GRID1: variants seen among roughly 807,000 people sequenced by gnomAD.
GRID1 encodes glutamate receptor ionotropic, delta-1.
GRID1 carries 28 observed loss-of-function variants against 98.0 expected under a neutral mutation model. The observed-to-expected ratio is 0.29, with a 90% CI of 0.21 to 0.39. GRID1 has a LOEUF of 0.39. GRID1 is among the 10% of genes least tolerant of loss of function. The pLI, the probability that GRID1 is intolerant of heterozygous loss-of-function variation, is 1.00. For missense variants in GRID1, 1,111 were observed against 1,340.5 expected, an observed-to-expected ratio of 0.83 and a Z score of 2.67; for synonymous variants, 553 against 538.5, an observed-to-expected ratio of 1.03 and a Z score of -0.37.
At chr10:85,679,185 A>T (rs1259787725) in intron 12 of GRID1, among the ~76,000 whole-genome samples, 1 of 152,136 alleles carries the variant, frequency 6.6e-6, no homozygotes, top group Non-Finnish European at 1.5e-5. Flanking sequence ...CCCCAGACAG[A>T]CACATCCTTG....
intron 12 of GRID1, among the ~76,000 whole-genome samples, chr10:85,706,834 C>A (rs1166166014): frequency 6.6e-6 from 1 of 152,128 alleles, no homozygotes; most frequent in Non-Finnish European, 1.5e-5. Context: ...TGATCTTTGA[C>A]AAACCTGACA....
intron 5 of GRID1, among the ~76,000 whole-genome samples, chr10:85,886,158 C>T (rs1443735899): frequency 6.6e-6 from 1 of 152,196 alleles, no homozygotes; most frequent in Non-Finnish European, 1.5e-5. Context: ...TAAGGGGGTT[C>T]TCCATGCTGG....
At chr10:85,757,698 G>A (rs1189460657) in intron 8 of GRID1, among the ~76,000 whole-genome samples, 1 of 152,204 alleles carries the variant, frequency 6.6e-6, no homozygotes, top group Non-Finnish European at 1.5e-5. Flanking sequence ...TGGTTGAGCT[G>A]AACCAGGTCA....
intron 4 of GRID1, among the ~76,000 whole-genome samples, chr10:86,123,006 T>C (rs985745609): frequency 1.3e-5 from 2 of 152,232 alleles, no homozygotes; most frequent in Admixed American, 6.5e-5. Flanking sequence ...CCAAGCATCA[T>C]TGCAAAGGCT....
intron 12 of GRID1, among the ~76,000 whole-genome samples, chr10:85,668,772 T>C (rs1162423284): frequency 2.0e-5 from 3 of 152,220 alleles, no homozygotes; most frequent in South Asian, 2.1e-4. Context: ...AGTTCAGCAA[T>C]GGCAGTAAGA....
chr10:85,827,092 G>A (rs1287790936), intron 8 of GRID1, among the ~76,000 whole-genome samples: 3 of 152,180 alleles, frequency 2.0e-5, no homozygotes, highest in Non-Finnish European at 4.4e-5. Flanking sequence ...CTTAATGACT[G>A]CACTGGTTCG....
chr10:85,785,152 A>AT (rs1391092008), intron 8 of GRID1, among the ~76,000 whole-genome samples: 6 of 152,230 alleles, frequency 3.9e-5, no homozygotes, highest in Admixed American at 3.9e-4. Flanking sequence ...AGGAACACTC[A>AT]TTTTGGATTT....
At chr10:86,015,417 T>A (rs2131883626) in intron 4 of GRID1, among the ~76,000 whole-genome samples, 1 of 152,362 alleles carries the variant, frequency 6.6e-6, no homozygotes, top group African/African-American at 2.4e-5. Flanking sequence ...GGGTTAGATA[T>A]TTTCTCTCCC....
chr10:86,034,931 T>G (rs757660192), intron 4 of GRID1, among the ~76,000 whole-genome samples: 1 of 151,042 alleles, frequency 6.6e-6, no homozygotes, highest in Non-Finnish European at 1.5e-5. Flanking sequence ...GATGGATGGA[T>G]GGATGGATGG....
intron 5 of GRID1, among the ~76,000 whole-genome samples, chr10:85,873,331 A>C (rs1436110723): frequency 6.6e-6 from 1 of 152,254 alleles, no homozygotes; most frequent in African/African-American, 2.4e-5. Context: ...TGAGCAGAAG[A>C]AGCAAGATAA....
At chr10:86,345,625 G>T (rs898705148) in intron 2 of GRID1, among the ~76,000 whole-genome samples, 1 of 152,172 alleles carries the variant, frequency 6.6e-6, no homozygotes, top group African/African-American at 2.4e-5. Flanking sequence ...AGGGGTTGGG[G>T]GAGCTGACTA....
At chr10:86,056,088 C>T (rs1843568545) in intron 4 of GRID1, among the ~76,000 whole-genome samples, 1 of 152,198 alleles carries the variant, frequency 6.6e-6, no homozygotes, top group Non-Finnish European at 1.5e-5. Context: ...GCTTCCTGCC[C>T]AGCCTCAGGG....
intron 8 of GRID1, among the ~76,000 whole-genome samples, chr10:85,771,017 T>C (rs1392222552): frequency 1.3e-5 from 2 of 152,014 alleles, no homozygotes; most frequent in East Asian, 1.9e-4. Flanking sequence ...ACACACATAA[T>C]TGTCAGATTC....
intron 2 of GRID1, among the ~76,000 whole-genome samples, chr10:86,277,792 A>C (rs1267785688): frequency 1.3e-5 from 2 of 152,210 alleles, no homozygotes; most frequent in Non-Finnish European, 2.9e-5. Flanking sequence ...AATGAGGGAC[A>C]AAAAAGTAAT....
chr10:86,366,394 T>A lies in GRID1; in HGVS notation c.-2A>T. 2.0e-6 allele frequency: 3 copies of A among 1,496,508 alleles called. No individual in the cohort carries two copies. Among genetic ancestry groups the A allele is most frequent in the Non-Finnish European group, 2.7e-6 (3 of 1,119,498 alleles). The allele number at this position is 1,496,508 out of a possible 1,614,324, so 92.7% of individuals were successfully genotyped here. Reference sequence around the variant, plus strand: ...AAGCCACAGCGTCAGCGCTTCCATGTCCCCCGGGCGCGCGGCTCATCCACC... The same window carrying A: ...AAGCCACAGCGTCAGCGCTTCCATGACCCCCGGGCGCGCGGCTCATCCACC... On this transcript the variant is annotated 5_prime_UTR_variant, in exon 1 of 16. Transcript: ENST00000327946. The surrounding 1 kb of genome is among the most constrained non-coding windows in gnomAD (Gnocchi z 4.1).
chr10:86,307,236 A>T (rs374476342), intron 2 of GRID1, among the ~76,000 whole-genome samples: 2 of 152,134 alleles, frequency 1.3e-5, no homozygotes, highest in Admixed American at 6.5e-5. Context: ...TCAAAGAAAT[A>T]TTGCACTCCC....
chr10:86,224,286 C>T (rs1358262460), intron 2 of GRID1, among the ~76,000 whole-genome samples: 2 of 152,222 alleles, frequency 1.3e-5, no homozygotes, highest in East Asian at 1.9e-4. Flanking sequence ...GTGTCCACAC[C>T]TACCCAGGCA....
intron 3 of GRID1, among the ~76,000 whole-genome samples, chr10:86,190,393 C>T (rs1000690416): frequency 9.2e-5 from 14 of 152,240 alleles, no homozygotes; most frequent in Admixed American, 9.2e-4. Context: ...CCTCCCTTTG[C>T]TGCCCCTGGG....
chr10:86,300,451 A>G (rs1847665339), intron 2 of GRID1, among the ~76,000 whole-genome samples: 1 of 130,286 alleles, frequency 7.7e-6, no homozygotes, highest in South Asian at 3.1e-4. Flanking sequence ...TGGGTGACAG[A>G]GCCAGAGGGA....
Sources: gnomAD v4.1 joint callset for allele counts (sites outside exome capture counted in the v4.1 genomes callset) on GRCh38, gnomAD v4.1.1 for gene constraint, Gnocchi (gnomAD v3.1) non-coding constraint, MANE v1.5 for transcripts, NCBI Gene and HGNC (gene_info 2026-07-23, HGNC 2026-07-21) for gene names.